The following NCOA1 variants were observed in gnomAD, a reference collection of about 807,000 sequenced individuals.
NCOA1 encodes Hin-2 protein.
A neutral mutation model predicts 150.9 loss-of-function variants in NCOA1; 35 were observed. The observed-to-expected ratio is 0.23, with a 90% confidence interval of 0.18 to 0.31. The LOEUF (loss-of-function observed/expected upper bound fraction) is 0.31. Among genes scored for constraint, NCOA1 ranks in the 10% least tolerant of loss-of-function variants. The pLI, the probability that NCOA1 is intolerant of heterozygous loss-of-function variation, is 1.00. For missense variants in NCOA1, 1,491 were observed against 1,749.3 expected (o/e 0.85, Z 2.63); for synonymous variants, 590 against 630.0 (o/e 0.94, Z 0.95).
At chr2:24,633,057 C>T (rs1305640185) in intron 3 of NCOA1, among the ~76,000 whole-genome samples, 1 of 151,782 alleles carries the variant, frequency 6.6e-6, no homozygotes, top group Non-Finnish European at 1.5e-5. Context: ...GACTATGCCA[C>T]CTAGAAAACT....
intron 7 of NCOA1, among the ~76,000 whole-genome samples, chr2:24,679,848 C>T (rs1044902283): frequency 5.3e-5 from 8 of 151,878 alleles, no homozygotes; most frequent in African/African-American, 1.2e-4. Flanking sequence ...TAAGTCACGG[C>T]GATCGGGTAG....
chr2:24,493,488 A>C (rs1663067527), intron 1 of NCOA1, among the ~76,000 whole-genome samples: 1 of 152,172 alleles, frequency 6.6e-6, no homozygotes, highest in East Asian at 1.9e-4. Flanking sequence ...TACGTAGCTT[A>C]CACTTGATCT....
chr2:24,725,719 G>C (rs1397151181), intron 14 of NCOA1, among the ~76,000 whole-genome samples: 1 of 13,064 alleles, frequency 7.7e-5, no homozygotes, highest in Admixed American at 2.5e-3. Context: ...GTGTGCGTGT[G>C]TGTGTGTGTG....
intron 19 of NCOA1, among the ~76,000 whole-genome samples, chr2:24,751,575 T>TC (rs1390739403): frequency 4.1e-5 from 6 of 145,892 alleles, no homozygotes; most frequent in African/African-American, 5.2e-5. Flanking sequence ...AGAGCAAGAC[T>TC]CCATCTCGGG....
At chr2:24,623,022 G>A (rs1458444759) in intron 3 of NCOA1, among the ~76,000 whole-genome samples, 3 of 152,158 alleles carry the variant, frequency 2.0e-5, no homozygotes, top group Non-Finnish European at 4.4e-5. Flanking sequence ...GAAGAGCAGA[G>A]GGCTAAAGAC....
chr2:24,518,495 A>T (rs1229310914), intron 1 of NCOA1, among the ~76,000 whole-genome samples: 1 of 151,982 alleles, frequency 6.6e-6, no homozygotes, highest in Non-Finnish European at 1.5e-5. Context: ...AATCTGTATG[A>T]TGAAGTAAAA....
intron 16 of NCOA1, 46 bp from the exon 17 acceptor site, chr2:24,729,455 T>C (rs1662875309): frequency 6.5e-7 from 1 of 1,531,224 alleles, no homozygotes; most frequent in Non-Finnish European, 9.0e-7. Flanking sequence ...ATGTTACTTA[T>C]TGGCAGAAAT....
At chr2:24,559,699 C>T (rs1039196697) in intron 1 of NCOA1, among the ~76,000 whole-genome samples, 13 of 152,154 alleles carry the variant, frequency 8.5e-5, no homozygotes, top group African/African-American at 2.7e-4. Flanking sequence ...TTCTTTTCCC[C>T]TAGCGGTAGT....
intron 22 of NCOA1, among the ~76,000 whole-genome samples, chr2:24,765,430 C>T (rs1262909504): frequency 6.7e-6 from 1 of 149,368 alleles, no homozygotes; most frequent in Non-Finnish European, 1.5e-5. Flanking sequence ...ACCTGGGAGG[C>T]GGAGCTGGCA....
chr2:24,545,211 G>A (rs562388342), intron 1 of NCOA1, among the ~76,000 whole-genome samples: 1 of 152,176 alleles, frequency 6.6e-6, no homozygotes, highest in African/African-American at 2.4e-5. Flanking sequence ...CTGATTCTTG[G>A]GCCGGGGCAG....
At chr2:24,766,721 G>T (rs949598215) in intron 22 of NCOA1, among the ~76,000 whole-genome samples, 1 of 152,128 alleles carries the variant, frequency 6.6e-6, no homozygotes, top group East Asian at 1.9e-4. Context: ...GGGCTGGCAG[G>T]AGGATCGTTG....
intron 3 of NCOA1, among the ~76,000 whole-genome samples, chr2:24,595,117 T>C (rs1210052714): frequency 6.6e-6 from 1 of 152,088 alleles, no homozygotes; most frequent in Non-Finnish European, 1.5e-5. Flanking sequence ...ACCAGCACAG[T>C]TCAATTATCT....
At chr2:24,587,776 A>G (rs1667477045) in intron 3 of NCOA1, among the ~76,000 whole-genome samples, 1 of 152,196 alleles carries the variant, frequency 6.6e-6, no homozygotes, top group African/African-American at 2.4e-5. Flanking sequence ...TAAAGGTCAC[A>G]ATCAGTGGTT....
At chr2:24,619,081 A>G (rs1444705381) in intron 3 of NCOA1, among the ~76,000 whole-genome samples, 1 of 152,050 alleles carries the variant, frequency 6.6e-6, no homozygotes, top group Non-Finnish European at 1.5e-5. Context: ...GATTTTTAAA[A>G]CTCTTCTGCT....
At chr2:24,736,468 G>A (rs1663310271) in intron 17 of NCOA1, among the ~76,000 whole-genome samples, 1 of 152,054 alleles carries the variant, frequency 6.6e-6, no homozygotes, top group Non-Finnish European at 1.5e-5. Flanking sequence ...GTACGTATCT[G>A]ACATTATAAG....
chr2:24,716,618 G>A (rs1674060193), intron 14 of NCOA1, among the ~76,000 whole-genome samples: 1 of 152,084 alleles, frequency 6.6e-6, no homozygotes, highest in Non-Finnish European at 1.5e-5. Flanking sequence ...ACAAAAAAAA[G>A]TCATTGAGAT....
chr2:24,604,319 T>A (rs528420039), intron 3 of NCOA1, among the ~76,000 whole-genome samples: 1 of 152,354 alleles, frequency 6.6e-6, no homozygotes, highest in South Asian at 2.1e-4. Context: ...TAGCCCCTAA[T>A]AAGAGTTGAG....
intron 6 of NCOA1, among the ~76,000 whole-genome samples, chr2:24,672,950 A>C (rs1225730179): frequency 6.6e-6 from 1 of 152,244 alleles, no homozygotes; most frequent in African/African-American, 2.4e-5. Context: ...TCAAAAGGAA[A>C]AATCATATTT....
intron 3 of NCOA1, among the ~76,000 whole-genome samples, chr2:24,635,223 G>A (rs1408479793): frequency 6.6e-6 from 1 of 151,624 alleles, no homozygotes; most frequent in Non-Finnish European, 1.5e-5. Flanking sequence ...CTATCTCTTG[G>A]TTTTTATATT....
Sources: allele counts gnomAD v4.1 joint callset (sites outside exome capture counted in the v4.1 genomes callset), GRCh38; gene constraint gnomAD v4.1.1; transcripts MANE v1.5; gene names NCBI Gene and HGNC (gene_info 2026-07-23, HGNC 2026-07-21).